PARP2: variants seen among roughly 807,000 people sequenced by gnomAD.
PARP2 encodes the protein poly [ADP-ribose] polymerase 2.
A neutral mutation model predicts 77.8 loss-of-function variants in PARP2; 57 were observed. That is an observed-to-expected ratio of 0.73 (90% confidence interval 0.59 to 0.91). PARP2 has a LOEUF of 0.91. Among genes scored for constraint, PARP2 ranks in the 40% least tolerant of loss-of-function variants. PARP2 has a pLI of 0.00. For missense variants in PARP2, 651 were observed against 689.0 expected (o/e 0.94, Z 0.62); for synonymous variants, 226 against 242.6 (o/e 0.93, Z 0.64).
chr14:20,348,967 C>T (rs1883864122), intron 4 of PARP2, among the ~76,000 whole-genome samples: 2 of 151,268 alleles, frequency 1.3e-5, no homozygotes, highest in African/African-American at 2.4e-5. Context: ...TGTGGTGAGC[C>T]GAGATCGTAC....
intron 4 of PARP2, among the ~76,000 whole-genome samples, chr14:20,349,523 A>G (rs1594298550): frequency 6.8e-6 from 1 of 146,008 alleles, no homozygotes; most frequent in Non-Finnish European, 1.5e-5. Flanking sequence ...ACAAAAAAAA[A>G]TTAGTCTGGC....
rs1418036658 is a variant in PARP2 at position 20,357,794 on chromosome 14, G to C, written c.1710G>C (p.Trp570Cys). The change falls in exon 16 of 16, where the codon TGG becomes TGC. Residue 570 changes from tryptophan (W) to cysteine (C), a missense_variant. Transcript: ENST00000429687. ...TTCAGTTTAATTTCCTTCAGCTGTG[G>C]TGAATGTTGATATTAAATAAACCAG... ...LKVQFNFLQL[W>C] The C allele has an allele frequency of 1.2e-6, 2 of 1,612,254 alleles. No individual in the cohort carries two copies. The highest frequency in any genetic ancestry group is 2.2e-5 in the South Asian group (2 of 90,610).
chr14:20,356,421 G>A lies in PARP2; in HGVS notation c.1216G>A (p.Asp406Asn). ...KDGEKEAFRE[D>N]LHNRMLLWHG... ...TGGTGAGAAAGAAGCCTTCAGAGAG[G>A]ACCTTCATAACAGGTCTGAGTCTAG... The change falls in exon 12 of 16, where the codon GAC becomes AAC. Residue 406 changes from aspartate (D) to asparagine (N), a missense_variant. Asp to Asn is a conservative substitution (Grantham distance 23). Transcript: ENST00000429687. 10 of 1,614,138 alleles carry A rather than the reference G, an allele frequency of 6.2e-6. No homozygotes were observed. Among genetic ancestry groups the A allele is most frequent in the Non-Finnish European group, 8.5e-6 (10 of 1,180,012 alleles).
intron 7 of PARP2, among the ~76,000 whole-genome samples, chr14:20,353,541 C>T (rs1884036585): frequency 6.6e-6 from 1 of 152,178 alleles, no homozygotes; most frequent in African/African-American, 2.4e-5. Flanking sequence ...CTGCGGCTGG[C>T]ACCAGAAGTT....
chr14:20,357,884 A>AC lies in PARP2; in HGVS notation c.*87_*88insC. On this transcript the variant is annotated 3_prime_UTR_variant, in exon 16 of 16. Transcript: ENST00000429687. ...TTGTGAATTTTGTGATATTTTATGT[A>AC]ATAAAAACTGTACAGGTCTACCACT... The AC allele has an allele frequency of 8.1e-7, 1 of 1,242,112 alleles. No homozygotes were observed. The highest frequency in any genetic ancestry group is 1.2e-6 in the Non-Finnish European group (1 of 869,372). The allele number at this position is 1,242,112 out of a possible 1,614,324, so 76.9% of individuals were successfully genotyped here. A position where few individuals can be genotyped will look rare whatever the true frequency, so the allele number is the denominator to read the frequency against.
intron 4 of PARP2, 89 bp downstream of exon 4, chr14:20,347,002 T>A: frequency 1.3e-6 from 1 of 796,184 alleles, no homozygotes; most frequent in Non-Finnish European, 2.0e-6. Context: ...TTCAGATCTT[T>A]AAAGTCCCTT....
At chr14:20,351,665 C>T (rs760129301) in intron 6 of PARP2, among the ~76,000 whole-genome samples, 3 of 152,106 alleles carry the variant, frequency 2.0e-5, no homozygotes, top group Non-Finnish European at 2.9e-5. Flanking sequence ...ATATATTTAA[C>T]ACATGACTGA....
Position 20,355,764 on chromosome 14 carries a change from T to G in PARP2, c.915T>G (p.Pro305=). 6.2e-7 allele frequency: 1 copy of G among 1,613,504 alleles called. No individual in the cohort carries two copies. ...RIPHDFGLRT[P]PLIRTQKELS... The stretch of plus-strand genomic sequence containing the variant: ...TCTCTGTTCTTAGACTCCGTACTCC[T>G]CCACTAATCCGGACACAGAAGGAAC... Residue 305 remains proline (P), a synonymous_variant, in exon 10 of 16, where the codon CCT becomes CCG. Transcript: ENST00000429687.
chr14:20,354,379 T>C, intron 8 of PARP2, 132 bp downstream of exon 8: 1 of 750,188 alleles, frequency 1.3e-6, no homozygotes, highest in Non-Finnish European at 2.2e-6. Flanking sequence ...GGGTGACAGG[T>C]TGTATGGAGG....
Position 20,357,494 on chromosome 14 carries a change from T to G in PARP2, c.1527T>G (p.Ala509=), listed in dbSNP as rs1450971659. Residue 509 remains alanine (A), a synonymous_variant, in exon 15 of 16, where the codon GCT becomes GCG. Transcript: ENST00000429687. ...GCACCAAGGGGCTGGGCAAGATGGC[T>G]CCCAGTTCTGCCCACTTCGTCACCC... ...KHSTKGLGKM[A]PSSAHFVTLN... is the part of the protein sequence containing the mutation. 1.9e-6 allele frequency: 3 copies of G among 1,613,046 alleles called. No homozygotes were observed. The East Asian group carries it at 6.7e-5, about 36-fold the overall frequency.
intron 13 of PARP2, 104 bp from the exon 14 acceptor site, chr14:20,356,947 C>T: frequency 1.2e-6 from 1 of 804,202 alleles, no homozygotes; most frequent in South Asian, 1.4e-5. Context: ...GGAGAAGGGT[C>T]TATATTGTGT....
chr14:20,349,369 A>G (rs113194685), intron 4 of PARP2, among the ~76,000 whole-genome samples: 3,347 of 152,076 alleles, frequency 0.022, 118 homozygotes, highest in African/African-American at 0.076. Flanking sequence ...AAAATTTTTT[A>G]AAGGAAAAGA....
Position 20,345,025 on chromosome 14 carries a change from C to T in PARP2, c.140C>T (p.Ser47Leu). The T allele has an allele frequency of 6.2e-7, 1 of 1,613,636 alleles. No homozygotes were observed. The highest frequency in any genetic ancestry group is 8.5e-7 in the Non-Finnish European group (1 of 1,179,742). The change falls in exon 2 of 16, where the codon TCG becomes TTG. Residue 47 changes from serine to leucine, a missense_variant. Physicochemically the swap from Ser to Leu is moderately radical, Grantham distance 145. Transcript: ENST00000429687. The stretch of plus-strand genomic sequence containing the variant: ...ACTCGTAGATGCCAGAGACAGGAGT[C>T]GAAAAAGATGCCTGTGGCTGGAGGA... ...KKTRRCQRQE[S>L]KKMPVAGGKA...
intron 4 of PARP2, 105 bp downstream of exon 4, chr14:20,347,018 T>TTC (rs2138918911): frequency 1.4e-6 from 1 of 727,684 alleles, no homozygotes; most frequent in Non-Finnish European, 2.3e-6. Context: ...CCCTTTTTTT[T>TTC]TTTTTTTTAA....
intron 4 of PARP2, among the ~76,000 whole-genome samples, chr14:20,349,387 A>C (rs1883880161): frequency 6.6e-6 from 1 of 151,656 alleles, no homozygotes; most frequent in Admixed American, 6.6e-5. Flanking sequence ...AGAAAATATC[A>C]AGCTGGGCAT....
At chr14:20,354,633 T>C in intron 8 of PARP2, 176 bp from the exon 9 acceptor site, 1 of 614,290 alleles carries the variant, frequency 1.6e-6, no homozygotes, top group Non-Finnish European at 2.8e-6. Context: ...GAGGTTGAAC[T>C]GCATTTAGCT....
chr14:20,352,063 C>T (rs2138935786), intron 6 of PARP2, among the ~76,000 whole-genome samples, 182 bp from the exon 7 acceptor site: 1 of 152,222 alleles, frequency 6.6e-6, no homozygotes, highest in Non-Finnish European at 1.5e-5. Context: ...CATTTGTCTC[C>T]AGAGCTTTTT....
chr14:20,343,788 C>T (rs536753534), intron 1 of PARP2, 101 bp downstream of exon 1: 3 of 1,278,794 alleles, frequency 2.3e-6, no homozygotes, highest in South Asian at 2.6e-5. Flanking sequence ...CTCCCTATAA[C>T]CTGCACTTGG....
intron 6 of PARP2, among the ~76,000 whole-genome samples, chr14:20,351,693 G>T (rs1440258940): frequency 2.0e-5 from 3 of 151,962 alleles, no homozygotes; most frequent in Non-Finnish European, 4.4e-5. Flanking sequence ...AGGAAATTTG[G>T]GATAAGTGGA....
Sources: allele counts gnomAD v4.1 joint callset (sites outside exome capture counted in the v4.1 genomes callset), GRCh38; gene constraint gnomAD v4.1.1; transcripts MANE v1.5; gene names NCBI Gene and HGNC (gene_info 2026-07-23, HGNC 2026-07-21).